The following KIF15 variants were observed in gnomAD, a reference collection of about 807,000 sequenced individuals.
KIF15 encodes the protein kinesin family member 15.
In KIF15, 140 loss-of-function variants were observed where a neutral mutation model predicts 190.6. The ratio of observed to expected loss-of-function variants is 0.73; its 90% CI spans 0.64 to 0.84. The LOEUF is 0.84. Ranked by LOEUF, KIF15 falls within the 40% of genes least tolerant of loss-of-function variation. The probability of loss-of-function intolerance (pLI) is 0.00; values close to 1 mark genes in which losing one functional copy is unlikely to be tolerated. For synonymous variants in KIF15, 528 were observed against 551.3 expected (o/e 0.96, Z 0.59); for missense variants, 1,372 against 1,584.4 (o/e 0.87, Z 2.28).
At chr3:44,857,319 T>G (rs547962777), downstream of KIF15, among the ~76,000 whole-genome samples, 4 of 152,276 alleles carry the variant, frequency 2.6e-5, no homozygotes, top group South Asian at 6.2e-4. Flanking sequence ...TTATGAGAAC[T>G]GTAGAAAGTG....
chr3:44,861,769 T>C (rs1172594556), intron 6 of KIF15: 9 of 812,176 alleles, frequency 1.1e-5, no homozygotes, highest in Admixed American at 2.9e-5. Flanking sequence ...CTCTGCCACC[T>C]GGCCCGCCCC....
intron 1 of KIF15, among the ~76,000 whole-genome samples, chr3:44,762,487 C>A (rs189710764): frequency 1.3e-5 from 2 of 152,300 alleles, no homozygotes; most frequent in East Asian, 3.9e-4. Flanking sequence ...ATAAACCCTA[C>A]AGTTTTCACT....
chr3:44,848,699 TA>T (rs1226304156), intron 32 of KIF15, 141 bp downstream of exon 32: 157 of 405,928 alleles, frequency 3.9e-4, no homozygotes, highest in South Asian at 7.3e-4. Context: ...GATTTTTTTT[TA>T]AATACCATTT....
chr3:44,807,695 GGTGT>G (rs143004356), intron 16 of KIF15, among the ~76,000 whole-genome samples: 2 of 149,210 alleles, frequency 1.3e-5, no homozygotes, highest in African/African-American at 2.4e-5. Context: ...ACAGCTTGAG[GGTGT>G]GTGTGTGTGT....
At position 44,803,011 on chromosome 3, in the gene KIF15, T is replaced by C; in HGVS notation, c.1687+20T>C. 1 of 1,573,336 alleles carries C rather than the reference T, an allele frequency of 6.4e-7. No homozygotes were observed. Among genetic ancestry groups the C allele is most frequent in the Non-Finnish European group, 8.6e-7 (1 of 1,165,114 alleles). On this transcript the variant is annotated intron_variant, in intron 14 of 34. Coordinates refer to ENST00000326047, the MANE Select transcript of KIF15 (RefSeq NM_020242.3). The stretch of plus-strand genomic sequence containing the variant: ...ACAAAAGTAAGAAATGATTGTTGTA[T>C]ATACGTGCCATGTAGGAAGGGGCTG...
rs1706864276 is a variant in KIF15, at chr3:44,794,300, A to G, written c.723A>G (p.Thr241=). 6.2e-7 allele frequency: 1 copy of G among 1,614,096 alleles called. No individual in the cohort carries two copies. Among genetic ancestry groups the G allele is most frequent in the South Asian group, 1.1e-5 (1 of 91,066 alleles). The change falls in exon 8 of 35, where the codon ACA becomes ACG. Residue 241 remains threonine, a synonymous_variant. Coordinates refer to ENST00000326047, the MANE Select transcript of KIF15 (RefSeq NM_020242.3). Reference sequence around the variant, plus strand: ...CGTCTAGGTCTCATGCCGTCTTTACAATTACAATAGAGTCAATGGAGAAAA... The same window carrying G: ...CGTCTAGGTCTCATGCCGTCTTTACGATTACAATAGAGTCAATGGAGAAAA... ...RESSRSHAVF[T]ITIESMEKSN...
At chr3:44,846,771 CA>C (rs765234089) in intron 30 of KIF15, among the ~76,000 whole-genome samples, 12,118 of 67,914 alleles carry the variant, frequency 0.18, 266 homozygotes, top group South Asian at 0.24. Flanking sequence ...GACTCTGTCT[CA>C]AAAAAAAAAA....
At chr3:44,762,301 A>G (rs73829682) in intron 1 of KIF15, among the ~76,000 whole-genome samples, 183 of 152,276 alleles carry the variant, frequency 1.2e-3, no homozygotes, top group African/African-American at 4.1e-3. Flanking sequence ...TCCTATAGGG[A>G]AGGGTTTATT....
At chr3:44,863,303 C>CCCCG (rs1553668737) in intron 6 of KIF15, 1 of 95,472 alleles carries the variant, frequency 1.0e-5, no homozygotes, top group South Asian at 7.6e-4. Flanking sequence ...ATTCCGCACC[C>CCCCG]CCCCCCCCCG....
At chr3:44,789,645 TATATATATATATATATATATA>T (rs1706579328) in intron 7 of KIF15, among the ~76,000 whole-genome samples, 1 of 3,024 alleles carries the variant, frequency 3.3e-4, no homozygotes, top group East Asian at 0.029. Flanking sequence ...TCTAATTTTA[TATATATATATATATATATATA>T]TATATATATA....
At position 44,828,217 on chromosome 3, in the gene KIF15, G is replaced by A. The variant is rs1431060370; in HGVS notation, c.2860G>A (p.Ala954Thr). The A allele has an allele frequency of 1.2e-6, 2 of 1,610,654 alleles. No homozygotes were observed. Among genetic ancestry groups the A allele is most frequent in the East Asian group, 2.2e-5 (1 of 44,816 alleles). ...KETAKCEQQM[A>T]KVQKLEESLL... The stretch of plus-strand genomic sequence containing the variant: ...AAATATTTCTTTTTCACCATAGATG[G>A]CAAAAGTACAGAAACTAGAAGAGAG... Residue 954 changes from alanine to threonine, a missense_variant, in exon 24 of 35, where the codon GCA (alanine) becomes ACA (threonine). By Grantham distance (58) the Ala-to-Thr change is moderately conservative (BLOSUM62 0). Transcript: ENST00000326047.
chr3:44,818,735 T>C (rs1298743788), intron 20 of KIF15, among the ~76,000 whole-genome samples: 1 of 152,248 alleles, frequency 6.6e-6, no homozygotes, highest in Non-Finnish European at 1.5e-5. Flanking sequence ...CAGGCTTTGG[T>C]ATCAGGATGA....
At chr3:44,828,084 T>C (rs1697773420) in intron 23 of KIF15, 130 bp from the exon 24 acceptor site, 1 of 610,760 alleles carries the variant, frequency 1.6e-6, no homozygotes, top group African/African-American at 1.9e-5. Context: ...CAACCCAATT[T>C]ATCATTTTCA....
rs113554508 is a variant in KIF15, at chr3:44,809,166, G to A, written c.1972-1680G>A. Among the ~76,000 whole-genome samples the A allele has an allele frequency of 3.5e-3, 533 of 152,182 alleles. 4 individuals are homozygous for A. The highest frequency in any genetic ancestry group is 0.012 in the African/African-American group (508 of 41,532). ...GCTTGTTAATGTTTGACCATCTGAT[G>A]GGTAAAAAATGAGATCTTGTTGTTA... On this transcript the variant is annotated intron_variant, in intron 16 of 34. Transcript: ENST00000326047.
At chr3:44,840,533 CAT>C (rs1435078838) in intron 28 of KIF15, 77 bp downstream of exon 28, 3 of 913,480 alleles carry the variant, frequency 3.3e-6, no homozygotes, top group Non-Finnish European at 5.2e-6. Flanking sequence ...TTAGGAAGAA[CAT>C]ACCTTTGTCT....
intron 10 of KIF15, among the ~76,000 whole-genome samples, chr3:44,799,826 A>G (rs938536088): frequency 2.6e-5 from 4 of 151,970 alleles, no homozygotes; most frequent in African/African-American, 4.8e-5. Context: ...GTTAAAAAAT[A>G]AAGGTCGGAT....
At chr3:44,867,270 A>T (rs1367507186) in intron 6 of KIF15, among the ~76,000 whole-genome samples, 1 of 152,114 alleles carries the variant, frequency 6.6e-6, no homozygotes, top group Non-Finnish European at 1.5e-5. Context: ...CCTGTTCCAT[A>T]CTGTGACTCA....
downstream of KIF15, among the ~76,000 whole-genome samples, chr3:44,853,647 G>T (rs759019109): frequency 3.3e-5 from 5 of 152,062 alleles, no homozygotes; most frequent in Non-Finnish European, 7.4e-5. Flanking sequence ...TACCATTTAG[G>T]TATACCATTT....
intron 14 of KIF15, among the ~76,000 whole-genome samples, chr3:44,804,270 C>T (rs1047824559): frequency 5.3e-5 from 8 of 152,166 alleles, no homozygotes; most frequent in Admixed American, 4.6e-4. Flanking sequence ...GTCTGGATCT[C>T]ATCAGTTTCT....
Sources: gnomAD v4.1 joint callset for allele counts (sites outside exome capture counted in the v4.1 genomes callset) on GRCh38, gnomAD v4.1.1 for gene constraint, MANE v1.5 for transcripts, NCBI Gene and HGNC (gene_info 2026-07-23, HGNC 2026-07-21) for gene names.